Variants in EML1 observed in about 807,000 individuals in gnomAD.
The protein encoded by EML1 is EMAP like 1.
In EML1, 27 loss-of-function variants were observed where a neutral mutation model predicts 110.4. The observed-to-expected ratio is 0.24, with a 90% confidence interval of 0.18 to 0.34. EML1 has a LOEUF of 0.34. Ranked by LOEUF, EML1 falls within the 10% of genes least tolerant of loss-of-function variation. The pLI is 1.00. For synonymous variants in EML1, 344 were observed against 385.8 expected, an observed-to-expected ratio of 0.89 and a Z score of 1.27; for missense variants, 741 against 1,030.9, an observed-to-expected ratio of 0.72 and a Z score of 3.85.
chr14:99,796,899 T>TTG (rs1180695003), intron 1 of EML1, among the ~76,000 whole-genome samples: 5 of 135,812 alleles, frequency 3.7e-5, no homozygotes, highest in African/African-American at 1.0e-4. Flanking sequence ...GTCTAAATCT[T>TTG]TGTGTGTGTA....
intron 1 of EML1, among the ~76,000 whole-genome samples, chr14:99,821,622 A>ATTTGTGGAGT (rs2058264179): frequency 6.6e-6 from 1 of 152,208 alleles, no homozygotes. Flanking sequence ...ACATCTTTTG[A>ATTTGTGGAGT]CATCCAGGGC....
At chr14:99,916,819 TC>T (rs1408148367) in intron 15 of EML1, among the ~76,000 whole-genome samples, 1 of 152,154 alleles carries the variant, frequency 6.6e-6, no homozygotes, top group Non-Finnish European at 1.5e-5. Flanking sequence ...TGATAATTCT[TC>T]CTCTCCTGGG....
chr14:99,777,706 C>T (rs1473125501), intron 1 of EML1, among the ~76,000 whole-genome samples: 1 of 152,248 alleles, frequency 6.6e-6, no homozygotes, highest in Non-Finnish European at 1.5e-5. Context: ...AAGCGTGAGC[C>T]ACCACGCCCG....
intron 1 of EML1, chr14:99,839,041 G>A (rs1263955729): frequency 1.3e-5 from 2 of 151,884 alleles, no homozygotes; most frequent in Non-Finnish European, 2.9e-5. Flanking sequence ...TAGGCAAAAT[G>A]AAATGAGAGT....
Position 99,914,251 on chromosome 14 carries a change from C to T in EML1, c.1567C>T (p.Arg523Ter), listed in dbSNP as rs1555404109. 1 of 1,613,932 alleles carries T rather than the reference C, an allele frequency of 6.2e-7. No homozygotes were observed. The highest frequency in any genetic ancestry group is 8.5e-7 in the Non-Finnish European group (1 of 1,179,892). The change falls in exon 14 of 22, where the codon CGA becomes TGA. Residue 523 changes from arginine to a stop codon, truncating the protein, a stop_gained. Coordinates refer to ENST00000262233, the MANE Select transcript of EML1 (RefSeq NM_004434.3). LOFTEE classifies it high-confidence loss of function. Reference protein sequence around the residue: ...KGDVILIGTTRNFVLQGTLSG... With the variant: ...KGDVILIGTT ...CGATGTGATCTTGATTGGCACAACT[C>T]GAAACTTTGTCCTGCAGGGCACTCT...
chr14:99,821,234 G>A (rs572330648), intron 1 of EML1, among the ~76,000 whole-genome samples: 2 of 152,174 alleles, frequency 1.3e-5, no homozygotes, highest in East Asian at 3.9e-4. Flanking sequence ...GCCCAAGCTG[G>A]TCTTGAACTT....
rs1421996272 is a variant in EML1, at chr14:99,894,684, C to A, written c.603C>A (p.Pro201=). The change falls in exon 6 of 22, where the codon CCC becomes CCA. Residue 201 remains proline, a synonymous_variant. Transcript: ENST00000262233. ...GACGCCCTGTTACCATGTACATGCC[C>A]AAAGATCAAGTGGATTCTTACAGCT... ...LRGRPVTMYM[P]KDQVDSYSLE... 1 of 1,613,626 alleles carries A rather than the reference C, an allele frequency of 6.2e-7. No individual in the cohort carries two copies.
At chr14:99,793,380 A>C (rs2057705228), upstream of EML1, 1 of 994,208 alleles carries the variant, frequency 1.0e-6, no homozygotes. Flanking sequence ...GGCCGGCCCC[A>C]GCGCCAGCGC....
At chr14:99,830,751 A>G (rs1218108389) in intron 1 of EML1, among the ~76,000 whole-genome samples, 1 of 152,098 alleles carries the variant, frequency 6.6e-6, no homozygotes, top group Admixed American at 6.5e-5. Flanking sequence ...GGGTTTCACC[A>G]CGTTGGCCAG....
Position 99,897,202 on chromosome 14 carries a change from G to T in EML1, c.735G>T (p.Glu245Asp). 1 of 1,613,120 alleles carries T rather than the reference G, an allele frequency of 6.2e-7. No individual in the cohort carries two copies. The highest frequency in any genetic ancestry group is 8.5e-7 in the Non-Finnish European group (1 of 1,179,590). ...ACCTGTACTTGCTTCCGACGGGAGA[G>T]ACCGTCTACTTCATCGCATCCGTGG... ...RNNLYLLPTGETVYFIASVVV... is the reference protein window; with the variant it reads ...RNNLYLLPTGDTVYFIASVVV... Residue 245 changes from glutamate to aspartate, a missense_variant, in exon 7 of 22, where the codon GAG (glutamate) becomes GAT (aspartate). Coordinates refer to ENST00000262233, the MANE Select transcript of EML1 (RefSeq NM_004434.3).
chr14:99,792,395 T>C (rs2057685499), upstream of EML1, among the ~76,000 whole-genome samples: 4 of 152,232 alleles, frequency 2.6e-5, no homozygotes, highest in Admixed American at 1.3e-4. Context: ...AGATGATCCA[T>C]TTTATATATT....
chr14:99,801,375 G>A (rs1175639479), intron 1 of EML1, among the ~76,000 whole-genome samples: 2 of 152,134 alleles, frequency 1.3e-5, no homozygotes, highest in Non-Finnish European at 2.9e-5. Flanking sequence ...CAGCACTTTG[G>A]GAGGCCGAGG....
Position 99,901,011 on chromosome 14 carries a change from C to G in EML1, c.980C>G (p.Ala327Gly), listed in dbSNP as rs1292235007. The change falls in exon 9 of 22, where the codon GCA becomes GGA. Residue 327 changes from alanine to glycine, a missense_variant. Ala to Gly is a moderately conservative substitution (Grantham distance 60). Around this residue, in one of 4 missense-constraint regions of EML1, gnomAD observed 388 missense variants for 605.6 expected, o/e 0.64. Coordinates refer to ENST00000262233, the MANE Select transcript of EML1 (RefSeq NM_004434.3). ...HVIGIGFFDR[A>G]VTCIAFSKSN... ...ATTGGAATAGGTTTTTTTGACCGAGCAGTCACCTGTATTGCATTCTCAAAA... is the reference window on the plus strand; with the variant it reads ...ATTGGAATAGGTTTTTTTGACCGAGGAGTCACCTGTATTGCATTCTCAAAA... 12 of 1,614,136 alleles carry G rather than the reference C, an allele frequency of 7.4e-6. No individual in the cohort carries two copies. Among genetic ancestry groups the G allele is most frequent in the Non-Finnish European group, 1.0e-5 (12 of 1,179,998 alleles).
chr14:99,887,270 A>G (rs555697894), intron 4 of EML1, among the ~76,000 whole-genome samples: 2 of 152,348 alleles, frequency 1.3e-5, no homozygotes, highest in Non-Finnish European at 2.9e-5. Context: ...CTCTTTCAGC[A>G]AATCTCCTTC....
chr14:99,870,183 A>T (rs1258403420), intron 3 of EML1, among the ~76,000 whole-genome samples: 1 of 152,228 alleles, frequency 6.6e-6, no homozygotes, highest in African/African-American at 2.4e-5. Context: ...GATAGGGAGA[A>T]AGTTTGAGTG....
chr14:99,742,636 G>A (rs189191526), intron 1 of EML1, among the ~76,000 whole-genome samples: 244 of 152,212 alleles, frequency 1.6e-3, no homozygotes, highest in African/African-American at 3.7e-3. Context: ...AGGACATACT[G>A]TCACTTTCAG....
In EML1 at chr14:99,781,305, G is replaced by C. The variant is rs1362924694; in HGVS notation, c.-27+7292G>C. Among the ~76,000 whole-genome samples the C allele has an allele frequency of 1.3e-5, 2 of 151,872 alleles. No homozygotes were observed. Among genetic ancestry groups the C allele is most frequent in the Non-Finnish European group, 2.9e-5 (2 of 67,974 alleles). On this transcript the variant is annotated intron_variant, in intron 1 of 22. Coordinates refer to the EML1 transcript ENST00000327921. This position sits in a 1 kb window ranked among gnomAD's most constrained non-coding sequence, Gnocchi z 4.2. ...ACCACCTGTTTCCTGGCCAGCTCTA[G>C]CCCTAAGGCCCTGCCCTTGCTCATG... is the stretch of plus-strand genomic sequence containing the variant.
At chr14:99,816,518 G>A (rs2058170747) in intron 1 of EML1, among the ~76,000 whole-genome samples, 2 of 152,230 alleles carry the variant, frequency 1.3e-5, no homozygotes, top group African/African-American at 2.4e-5. Context: ...TAGGCCTCGT[G>A]CTACAGATAA....
chr14:99,855,386 G>A (rs2058885290), intron 2 of EML1, among the ~76,000 whole-genome samples: 1 of 152,180 alleles, frequency 6.6e-6, no homozygotes, highest in South Asian at 2.1e-4. Context: ...TGAATCTGAG[G>A]TCAACAGCAG....
Sources: allele counts gnomAD v4.1 joint callset (sites outside exome capture counted in the v4.1 genomes callset), GRCh38; gene constraint gnomAD v4.1.1; regional missense constraint gnomAD v4.1.1; non-coding constraint Gnocchi (gnomAD v3.1); transcripts MANE v1.5; gene names NCBI Gene and HGNC (gene_info 2026-07-23, HGNC 2026-07-21).